The following NME7 variants were observed in gnomAD, a reference collection of about 807,000 sequenced individuals.
NME7 encodes the protein NME/NM23 family member 7, also known as nucleoside diphosphate kinase 7.
A neutral mutation model predicts 49.1 loss-of-function variants in NME7; 41 were observed. That is an observed-to-expected ratio of 0.83 (90% confidence interval 0.65 to 1.08). The LOEUF (loss-of-function observed/expected upper bound fraction) is 1.08, where lower values mean the gene tolerates loss of function less well. Among genes scored for constraint, NME7 ranks in the 50% least tolerant of loss-of-function variants. The pLI is 0.00. For missense variants in NME7, 423 were observed against 463.4 expected (o/e 0.91, Z 0.80); for synonymous variants, 139 against 150.6 (o/e 0.92, Z 0.56).
chr1:169,190,008 AATAAT>A (rs1260008833), intron 10 of NME7, among the ~76,000 whole-genome samples: 1 of 152,198 alleles, frequency 6.6e-6, no homozygotes, highest in Non-Finnish European at 1.5e-5. Flanking sequence ...GAAACTATGA[AATAAT>A]ATAAGTCAAA....
In NME7 at chr1:169,217,171, G is replaced by A. The variant is rs1660994660; in HGVS notation, c.990+13547C>T. On this transcript the variant is annotated intron_variant, in intron 10 of 11. Transcript: ENST00000367811. ...AAACTAAGCAATATTATACTTTATT[G>A]TTTATTCTGACAACAAACCCAAGTA... Among the ~76,000 whole-genome samples, 3 of 152,222 alleles carry A rather than the reference G, an allele frequency of 2.0e-5. No homozygotes were observed. The South Asian group carries it at 6.2e-4, about 32-fold the overall frequency.
At chr1:169,237,835 C>T in intron 7 of NME7, 148 bp from the exon 8 acceptor site, 1 of 582,226 alleles carries the variant, frequency 1.7e-6, no homozygotes, top group Non-Finnish European at 3.1e-6. Flanking sequence ...TAAATTAAAT[C>T]CCTAATACTG....
chr1:169,270,218 T>G (rs1649447439), intron 7 of NME7, among the ~76,000 whole-genome samples: 1 of 134,714 alleles, frequency 7.4e-6, no homozygotes, highest in African/African-American at 2.5e-5. Context: ...AACAATGCAG[T>G]AAAATTGTTT....
chr1:169,143,882 A>T (rs988589934), intron 11 of NME7, among the ~76,000 whole-genome samples: 1 of 151,548 alleles, frequency 6.6e-6, no homozygotes, highest in Non-Finnish European at 1.5e-5. Context: ...ATTCTCAACA[A>T]TTTTTTTTTA....
chr1:169,313,949 TA>T (rs1239428732), intron 3 of NME7, among the ~76,000 whole-genome samples: 6 of 151,868 alleles, frequency 4.0e-5, no homozygotes, highest in African/African-American at 1.5e-4. Flanking sequence ...GAGAACTAGA[TA>T]AAGGGTTTGA....
intron 3 of NME7, among the ~76,000 whole-genome samples, chr1:169,314,822 G>C (rs1047636844): frequency 8.6e-5 from 13 of 151,932 alleles, no homozygotes; most frequent in Non-Finnish European, 1.6e-4. Context: ...ACACATAGAA[G>C]AGAATACTGA....
chr1:169,240,370 C>T (rs1010992286), intron 7 of NME7, among the ~76,000 whole-genome samples: 3 of 151,840 alleles, frequency 2.0e-5, no homozygotes, highest in African/African-American at 7.2e-5. Context: ...GGCAGCTGGA[C>T]TCTCACATTT....
At chr1:169,249,485 C>A (rs1203310615) in intron 7 of NME7, among the ~76,000 whole-genome samples, 1 of 151,978 alleles carries the variant, frequency 6.6e-6, no homozygotes, top group African/African-American at 2.4e-5. Flanking sequence ...CTTATCCTTG[C>A]CTGATTGCTC....
intron 4 of NME7, 126 bp from the exon 5 acceptor site, chr1:169,303,321 T>G (rs1366148939): frequency 2.4e-6 from 1 of 413,336 alleles, no homozygotes; most frequent in Non-Finnish European, 4.2e-6. Flanking sequence ...TAATTAATAA[T>G]TTTTCACCAA....
At position 169,192,766 on chromosome 1, in the gene NME7, A is replaced by G. The variant is rs144541869; in HGVS notation, c.991-23212T>C. 2.0e-5 allele frequency among the ~76,000 whole-genome samples: 3 copies of G among 152,318 alleles called. No homozygotes were observed. In the East Asian group the frequency reaches 5.8e-4, roughly 29 times the overall value. ...TTATGGTAACTTGAAAACAGTATGC[A>G]TGATGTACAAATATACAGCCTTCTG... On this transcript the variant is annotated intron_variant, in intron 10 of 11. Coordinates refer to ENST00000367811, the MANE Select transcript of NME7 (RefSeq NM_013330.5).
intron 1 of NME7, among the ~76,000 whole-genome samples, chr1:169,364,814 A>G (rs1653788164): frequency 6.6e-6 from 1 of 152,322 alleles, no homozygotes; most frequent in African/African-American, 2.4e-5. Context: ...GGACTAAAAC[A>G]GCCTTGTAAG....
At chr1:169,355,144 A>AATATATT (rs1355330113) in intron 1 of NME7, among the ~76,000 whole-genome samples, 1 of 31,372 alleles carries the variant, frequency 3.2e-5, no homozygotes, top group Non-Finnish European at 5.9e-5. Flanking sequence ...TATAATATAT[A>AATATATT]ATATACTATA....
chr1:169,303,088 A>T, intron 5 of NME7, 57 bp downstream of exon 5: 1 of 1,170,394 alleles, frequency 8.5e-7, no homozygotes, highest in Non-Finnish European at 1.3e-6. Flanking sequence ...ATGTAACTCC[A>T]TAGTTTTCTA....
intron 1 of NME7, among the ~76,000 whole-genome samples, chr1:169,327,563 C>T (rs1349293141): frequency 6.6e-6 from 1 of 152,064 alleles, no homozygotes; most frequent in Non-Finnish European, 1.5e-5. Flanking sequence ...TCTGTCTATA[C>T]AGAGAGAACT....
In NME7 at chr1:169,152,857, C is replaced by T. The variant is rs574704960; in HGVS notation, c.1098+16590G>A. ...TCGAGTCACTTCCCTGTTCAAAAAC[C>T]TTTGATGGCTTCCAGTTTTCTAGAG... On this transcript the variant is annotated intron_variant, in intron 11 of 11. Transcript: ENST00000367811. 7.9e-5 allele frequency among the ~76,000 whole-genome samples: 12 copies of T among 152,196 alleles called. No individual in the cohort carries two copies. In the South Asian group the frequency reaches 2.5e-3, roughly 32 times the overall value.
rs77419059 is a variant in NME7 at position 169,319,684 on chromosome 1, C to T, written c.278+3433G>A. ...GATCAAAGATTATACACACAGTTGA[C>T]TTCATAATTTTTCTTCTGAAAAACA... is the stretch of plus-strand genomic sequence containing the variant. On this transcript the variant is annotated intron_variant, in intron 3 of 11. Transcript: ENST00000367811. 5.5e-3 allele frequency among the ~76,000 whole-genome samples: 841 copies of T among 152,198 alleles called. 8 individuals carry two copies. Among genetic ancestry groups the T allele is most frequent in the African/African-American group, 0.019 (794 of 41,512 alleles).
chr1:169,332,652 T>C (rs1026720404), intron 1 of NME7, among the ~76,000 whole-genome samples: 2 of 152,014 alleles, frequency 1.3e-5, no homozygotes, highest in African/African-American at 2.4e-5. Flanking sequence ...AGCTACAAAA[T>C]GGGCAAAAGA....
intron 10 of NME7, among the ~76,000 whole-genome samples, chr1:169,181,733 C>T (rs530590540): frequency 1.6e-4 from 24 of 152,234 alleles, no homozygotes; most frequent in African/African-American, 5.5e-4. Context: ...CTATCTAAAC[C>T]GCTTTGGCAA....
intron 3 of NME7, among the ~76,000 whole-genome samples, chr1:169,320,150 G>A (rs770800686): frequency 3.2e-4 from 48 of 152,146 alleles, no homozygotes; most frequent in Non-Finnish European, 6.0e-4. Context: ...AAATTGTATC[G>A]TGTCTCCAAA....
Sources: gnomAD v4.1 joint callset for allele counts (sites outside exome capture counted in the v4.1 genomes callset) on GRCh38, gnomAD v4.1.1 for gene constraint, MANE v1.5 for transcripts, NCBI Gene and HGNC (gene_info 2026-07-23, HGNC 2026-07-21) for gene names.